The following NPRL3 variants were observed in gnomAD, a reference collection of about 807,000 sequenced individuals.
NPRL3 encodes the protein NPR3 like, GATOR1 complex subunit, also known as GATOR1 complex protein NPRL3.
A neutral mutation model predicts 57.2 loss-of-function variants in NPRL3; 23 were observed. The ratio of observed to expected loss-of-function variants is 0.40; its 90% CI spans 0.29 to 0.57. The LOEUF is 0.57. NPRL3 is among the 20% of genes least tolerant of loss of function. The pLI is 0.42. For missense variants in NPRL3, 691 were observed against 767.1 expected, an observed-to-expected ratio of 0.90 and a Z score of 1.17; for synonymous variants, 333 against 321.1, an observed-to-expected ratio of 1.04 and a Z score of -0.39.
chr16:120,182 T>A (rs934545745), intron 3 of NPRL3, among the ~76,000 whole-genome samples: 1 of 152,126 alleles, frequency 6.6e-6, no homozygotes. Context: ...AGAAGTCCCA[T>A]ACATATCTCT....
chr16:94,762 C>G (rs1381900569), intron 9 of NPRL3, among the ~76,000 whole-genome samples: 9 of 152,126 alleles, frequency 5.9e-5, no homozygotes, highest in African/African-American at 9.7e-5. Flanking sequence ...GTTTCAGCTC[C>G]ATCACCGCCC....
In NPRL3 at chr16:88,904, G is replaced by A; in HGVS notation, c.1352-14C>T. The A allele has an allele frequency of 6.3e-7, 1 of 1,599,564 alleles. No individual in the cohort carries two copies. The highest frequency in any genetic ancestry group is 2.3e-5 in the East Asian group (1 of 44,444). ...CATCGCTGCTGGCTGTGGGGGACAT[G>A]GGTCAGGGTGACCAAGTGGAATTCC... On this transcript the variant is annotated splice_polypyrimidine_tract_variant and intron_variant, in intron 12 of 13. Coordinates refer to ENST00000611875, the MANE Select transcript of NPRL3 (RefSeq NM_001077350.3).
Position 88,744 on chromosome 16 carries a change from TGAG to T in NPRL3, c.1495_1497del (p.Leu499del). ...TCAGGGTTCTGGGCTGCGGGTACACTGAGGATGGCTGCGCGTTCATGCTCCGAC... is the reference window on the plus strand; with the variant it reads ...TCAGGGTTCTGGGCTGCGGGTACACTGATGGCTGCGCGTTCATGCTCCGAC... On this transcript the variant is annotated inframe_deletion, in exon 13 of 14. Transcript: ENST00000611875. 6.2e-7 allele frequency: 1 copy of T among 1,613,634 alleles called. No homozygotes were observed. The highest frequency in any genetic ancestry group is 2.2e-5 in the East Asian group (1 of 44,878).
intron 3 of NPRL3, among the ~76,000 whole-genome samples, chr16:126,771 C>G (rs1900539157): frequency 6.6e-6 from 1 of 152,192 alleles, no homozygotes; most frequent in Admixed American, 6.5e-5. Flanking sequence ...GGTTTCAAGT[C>G]TTAGAGACAC....
chr16:130,490 GC>G, intron 3 of NPRL3, 31 bp downstream of exon 3: 1 of 1,541,950 alleles, frequency 6.5e-7, no homozygotes. Context: ...ACCAGGACAC[GC>G]CCCGCCCTGA....
At chr16:92,988 G>A (rs1232472747) in intron 10 of NPRL3, 1 of 615,252 alleles carries the variant, frequency 1.6e-6, no homozygotes, top group African/African-American at 1.8e-5. Context: ...CCAGCCTGGA[G>A]GAGGGGGCCA....
intron 12 of NPRL3, 73 bp downstream of exon 12, chr16:89,640 C>G (rs1898670397): frequency 7.3e-7 from 1 of 1,367,306 alleles, no homozygotes; most frequent in Admixed American, 3.1e-5. Context: ...ACAGCACCAC[C>G]CACGTTGAGC....
rs368456566 is a variant in NPRL3, at chr16:133,411, T to A, written c.119-2820A>T. Among the ~76,000 whole-genome samples the A allele has an allele frequency of 3.4e-4, 51 of 152,188 alleles. 2 individuals are homozygous for A. In the South Asian group the frequency reaches 1.0e-2, roughly 30 times the overall value. On this transcript the variant is annotated intron_variant, in intron 2 of 13. Coordinates refer to ENST00000611875, the MANE Select transcript of NPRL3 (RefSeq NM_001077350.3). ...CAGCTAATTTTTGTATTTTTTTTTTTAGCAGAGATGGGGTTTCACCATGTT... is the reference window on the plus strand; with the variant it reads ...CAGCTAATTTTTGTATTTTTTTTTTAAGCAGAGATGGGGTTTCACCATGTT...
intron 2 of NPRL3, 49 bp downstream of exon 2, chr16:138,101 A>G: frequency 6.9e-7 from 1 of 1,453,504 alleles, no homozygotes; most frequent in Non-Finnish European, 9.4e-7. Flanking sequence ...GCGACCCCGG[A>G]ATGAGGCGGC....
In NPRL3 at chr16:136,274, G is replaced by A. The variant is rs190871618; in HGVS notation, c.118+1876C>T. ...TCATCTCATGGAATTCACCGTGGCC[G>A]GTAAGAAGGACAAGGGTGCTCGACA... On this transcript the variant is annotated intron_variant, in intron 2 of 13. Coordinates refer to ENST00000611875, the MANE Select transcript of NPRL3 (RefSeq NM_001077350.3). Among the ~76,000 whole-genome samples, 10 of 152,226 alleles carry A rather than the reference G, an allele frequency of 6.6e-5. No individual in the cohort carries two copies. The East Asian group carries it at 1.5e-3, about 23-fold the overall frequency.
chr16:114,931 C>G (rs1237383625), intron 5 of NPRL3, among the ~76,000 whole-genome samples: 2 of 150,862 alleles, frequency 1.3e-5, no homozygotes, highest in African/African-American at 2.4e-5. Flanking sequence ...AGTCTGCTCT[C>G]TCTATTTCAG....
At chr16:134,376 AC>A (rs1021464129) in intron 2 of NPRL3, among the ~76,000 whole-genome samples, 10 of 152,214 alleles carry the variant, frequency 6.6e-5, no homozygotes, top group African/African-American at 2.4e-4. Context: ...AAATTTAAAA[AC>A]CTAGTGATGA....
chr16:110,464 C>T, intron 7 of NPRL3, 61 bp downstream of exon 7: 1 of 1,392,998 alleles, frequency 7.2e-7, no homozygotes, highest in South Asian at 1.2e-5. Flanking sequence ...GACGCTGCTC[C>T]TCAGGCCCAG....
chr16:106,890 A>G (rs1368430946), intron 7 of NPRL3, among the ~76,000 whole-genome samples: 1 of 152,072 alleles, frequency 6.6e-6, no homozygotes, highest in African/African-American at 2.4e-5. Flanking sequence ...CCAACCATGG[A>G]CCTGATGGGA....
intron 9 of NPRL3, among the ~76,000 whole-genome samples, chr16:96,922 C>T (rs1247222448): frequency 6.6e-6 from 1 of 151,712 alleles, no homozygotes; most frequent in Non-Finnish European, 1.5e-5. Flanking sequence ...GGAAAAGTGG[C>T]CTGAGAGTCA....
chr16:129,708 G>T (rs1017397949), intron 3 of NPRL3, among the ~76,000 whole-genome samples: 5 of 152,158 alleles, frequency 3.3e-5, no homozygotes, highest in Non-Finnish European at 7.3e-5. Context: ...GGCAGGTGTG[G>T]TGCTGCCTTG....
At chr16:87,887 T>A (rs933147095) in intron 13 of NPRL3, among the ~76,000 whole-genome samples, 7 of 148,216 alleles carry the variant, frequency 4.7e-5, no homozygotes, top group Non-Finnish European at 7.5e-5. Flanking sequence ...TTTTTTTTTT[T>A]AATGTCACCA....
chr16:110,002 C>T (rs1310943190), intron 7 of NPRL3, among the ~76,000 whole-genome samples: 2 of 66 alleles, frequency 0.03, no homozygotes, highest in Admixed American at 0.17. Context: ...ACTGGCCGGG[C>T]GCGGTGCTCA....
At position 130,653 on chromosome 16, in the gene NPRL3, G is replaced by A. The variant is rs112714552; in HGVS notation, c.119-62C>T. 6.1e-4 allele frequency: 902 copies of A among 1,481,068 alleles called. 5 individuals are homozygous for A. The Middle Eastern group carries it at 7.5e-3, about 12-fold the overall frequency. 91.7% of individuals were successfully genotyped at this position (1,481,068 alleles called of 1,614,324 possible). On this transcript the variant is annotated intron_variant, in intron 2 of 13. Transcript: ENST00000611875. ...ACAGGGTCCTTCCACACACAGGAGG[G>A]TTATGGAACCGTTAACAGCCATGTT...
Sources: allele counts gnomAD v4.1 joint callset (sites outside exome capture counted in the v4.1 genomes callset), GRCh38; gene constraint gnomAD v4.1.1; transcripts MANE v1.5; gene names NCBI Gene and HGNC (gene_info 2026-07-23, HGNC 2026-07-21).